The following XYLT1 variants were observed in gnomAD, a reference collection of about 807,000 sequenced individuals.
XYLT1 encodes the protein xylosyltransferase 1, also known as beta-D-xylosyltransferase 1.
Under a neutral mutation model 91.3 loss-of-function variants are expected in XYLT1, and 36 were observed. The observed-to-expected ratio is 0.39, with a 90% CI of 0.30 to 0.52. The LOEUF is 0.52. XYLT1 is among the 20% of genes least tolerant of loss of function. The pLI is 0.68. For missense variants in XYLT1, 1,242 were observed against 1,284.5 expected, an observed-to-expected ratio of 0.97 and a Z score of 0.51; for synonymous variants, 588 against 532.0, an observed-to-expected ratio of 1.11 and a Z score of -1.45.
intron 3 of XYLT1, among the ~76,000 whole-genome samples, chr16:17,247,886 TG>T (rs1267428766): frequency 6.6e-6 from 1 of 152,092 alleles, no homozygotes; most frequent in Non-Finnish European, 1.5e-5. Context: ...GCTAAGAACT[TG>T]GGGGCAGGGG....
chr16:17,293,423 T>C (rs1303323691), intron 2 of XYLT1, among the ~76,000 whole-genome samples: 1 of 151,668 alleles, frequency 6.6e-6, no homozygotes, highest in Non-Finnish European at 1.5e-5. Flanking sequence ...ACTTTGGAGG[T>C]GTAAAGCTAT....
At chr16:17,223,664 C>A (rs1262377554) in intron 3 of XYLT1, among the ~76,000 whole-genome samples, 2 of 152,188 alleles carry the variant, frequency 1.3e-5, no homozygotes, top group Non-Finnish European at 2.9e-5. Flanking sequence ...CCCTGAATTA[C>A]AACATGGAGG....
At chr16:17,330,793 C>T (rs1480885004) in intron 2 of XYLT1, among the ~76,000 whole-genome samples, 3 of 146,252 alleles carry the variant, frequency 2.1e-5, no homozygotes, top group South Asian at 2.2e-4. Flanking sequence ...GACTCCCTCT[C>T]GGAAAAAAAA....
intron 5 of XYLT1, among the ~76,000 whole-genome samples, chr16:17,161,443 CT>C (rs1278768676): frequency 1.3e-5 from 2 of 152,144 alleles, no homozygotes; most frequent in African/African-American, 4.8e-5. Context: ...GCCTACCCCC[CT>C]TGCTAGGGTC....
At chr16:17,270,949 G>A (rs536608014) in intron 2 of XYLT1, among the ~76,000 whole-genome samples, 2 of 152,168 alleles carry the variant, frequency 1.3e-5, no homozygotes, top group Non-Finnish European at 2.9e-5. Flanking sequence ...CTTGCCCAAG[G>A]TCACTCGGTG....
chr16:17,290,755 T>C (rs1225994876), intron 2 of XYLT1, among the ~76,000 whole-genome samples: 1 of 152,220 alleles, frequency 6.6e-6, no homozygotes, highest in Non-Finnish European at 1.5e-5. Context: ...GAGCTGAGAT[T>C]CACAGCCAGC....
intron 1 of XYLT1, among the ~76,000 whole-genome samples, chr16:17,419,642 C>T (rs1324068898): frequency 1.3e-5 from 2 of 152,302 alleles, no homozygotes; most frequent in Non-Finnish European, 2.9e-5. Flanking sequence ...TTTAATTTTG[C>T]ATTTTAGACA....
intron 5 of XYLT1, among the ~76,000 whole-genome samples, chr16:17,178,387 T>C (rs2031990708): frequency 6.6e-6 from 1 of 152,156 alleles, no homozygotes; most frequent in African/African-American, 2.4e-5. Flanking sequence ...TCTCCATCAC[T>C]CATTCTCTAT....
intron 1 of XYLT1, among the ~76,000 whole-genome samples, chr16:17,419,662 AC>A (rs1173746314): frequency 2.0e-5 from 3 of 152,242 alleles, no homozygotes; most frequent in Admixed American, 2.0e-4. Context: ...AACATCTTTC[AC>A]TGCATTTTCA....
chr16:17,424,313 A>T (rs1035848765), intron 1 of XYLT1, among the ~76,000 whole-genome samples: 3 of 152,242 alleles, frequency 2.0e-5, no homozygotes, highest in Non-Finnish European at 4.4e-5. Context: ...GAACTGAACA[A>T]GATAAGGCCA....
At chr16:17,451,477 C>T (rs1021235077) in intron 1 of XYLT1, among the ~76,000 whole-genome samples, 1 of 152,228 alleles carries the variant, frequency 6.6e-6, no homozygotes, top group Non-Finnish European at 1.5e-5. Context: ...AGTCAGGGAA[C>T]GCGTTCTGTC....
chr16:17,450,062 G>T (rs1223051096), intron 1 of XYLT1, among the ~76,000 whole-genome samples: 1 of 152,142 alleles, frequency 6.6e-6, no homozygotes, highest in Non-Finnish European at 1.5e-5. Flanking sequence ...AGAAGGACCG[G>T]GAGTGGTGGC....
chr16:17,413,031 T>C (rs1247058390), intron 1 of XYLT1, among the ~76,000 whole-genome samples: 2 of 152,192 alleles, frequency 1.3e-5, no homozygotes, highest in African/African-American at 2.4e-5. Flanking sequence ...TCCTCAAGAC[T>C]AGTCCAGACC....
At chr16:17,187,585 A>AAAAG (rs1567314049) in intron 5 of XYLT1, among the ~76,000 whole-genome samples, 1 of 150,408 alleles carries the variant, frequency 6.6e-6, no homozygotes. Flanking sequence ...AAAAAAAAAA[A>AAAAG]AAAGAAAGAT....
chr16:17,198,267 T>A lies in XYLT1; in HGVS notation c.1234A>T (p.Thr412Ser). ...LQSMRDLLEM[T>S]DWPWDFFINL... ...ATGAAGAAGTCCCAGGGCCAGTCGG[T>A]CATCTCCAGGAGGTCCCGCATGCTC... The change falls in exon 5 of 12, where the codon ACC becomes TCC. Residue 412 changes from threonine to serine, a missense_variant. Physicochemically the swap from Thr to Ser is moderately conservative, Grantham distance 58. Coordinates refer to ENST00000261381, the MANE Select transcript of XYLT1 (RefSeq NM_022166.4). 6.2e-7 allele frequency: 1 copy of A among 1,614,184 alleles called. No individual in the cohort carries two copies. The highest frequency in any genetic ancestry group is 8.5e-7 in the Non-Finnish European group (1 of 1,180,028).
At chr16:17,313,031 C>T (rs2034573896) in intron 2 of XYLT1, among the ~76,000 whole-genome samples, 1 of 152,216 alleles carries the variant, frequency 6.6e-6, no homozygotes, top group African/African-American at 2.4e-5. Context: ...CGCCCAGGGC[C>T]ATGGCCACAG....
At chr16:17,438,722 T>G (rs1003276058) in intron 1 of XYLT1, among the ~76,000 whole-genome samples, 1 of 151,958 alleles carries the variant, frequency 6.6e-6, no homozygotes, top group African/African-American at 2.4e-5. Context: ...GAAGCAAGCA[T>G]ATGGTGGCAG....
At chr16:17,230,508 G>C (rs147243224) in intron 3 of XYLT1, among the ~76,000 whole-genome samples, 1 of 152,212 alleles carries the variant, frequency 6.6e-6, no homozygotes, top group Non-Finnish European at 1.5e-5. Flanking sequence ...TCTGCCTGCT[G>C]TCTGTCAGTC....
intron 2 of XYLT1, among the ~76,000 whole-genome samples, chr16:17,325,703 A>G (rs1207858870): frequency 6.6e-6 from 1 of 152,212 alleles, no homozygotes; most frequent in Non-Finnish European, 1.5e-5. Context: ...AGTGGGGGAA[A>G]AAATTCCATT....
Sources: allele counts gnomAD v4.1 joint callset (sites outside exome capture counted in the v4.1 genomes callset), GRCh38; gene constraint gnomAD v4.1.1; transcripts MANE v1.5; gene names NCBI Gene and HGNC (gene_info 2026-07-23, HGNC 2026-07-21).